STXBP5L: variants seen among roughly 807,000 people sequenced by gnomAD.
The protein encoded by STXBP5L is syntaxin-binding protein 5-like.
In STXBP5L, 65 loss-of-function variants were observed where a neutral mutation model predicts 144.5. That is an observed-to-expected ratio of 0.45 (90% CI 0.37 to 0.55). The LOEUF (loss-of-function observed/expected upper bound fraction) is 0.55. Ranked by LOEUF, STXBP5L falls within the 20% of genes least tolerant of loss-of-function variation. The pLI is 0.00. For synonymous variants in STXBP5L, 505 were observed against 469.6 expected (o/e 1.08, Z -0.97); for missense variants, 1,298 against 1,405.5 (o/e 0.92, Z 1.22).
intron 3 of STXBP5L, among the ~76,000 whole-genome samples, chr3:121,039,199 T>C (rs1946971140): frequency 6.6e-6 from 1 of 151,922 alleles, no homozygotes; most frequent in Admixed American, 6.6e-5. Context: ...TCTGCGTTAT[T>C]TTTTGTTAAA....
At chr3:121,062,795 T>G (rs1025923878) in intron 5 of STXBP5L, among the ~76,000 whole-genome samples, 5 of 152,168 alleles carry the variant, frequency 3.3e-5, no homozygotes, top group African/African-American at 1.2e-4. Context: ...GCCTGATTGA[T>G]TTGTCTATTG....
chr3:121,065,959 A>G (rs1056847297), intron 5 of STXBP5L, among the ~76,000 whole-genome samples: 3 of 152,146 alleles, frequency 2.0e-5, no homozygotes, highest in Non-Finnish European at 4.4e-5. Context: ...AGCCCTCTCA[A>G]TAAGCCAGCT....
intron 11 of STXBP5L, among the ~76,000 whole-genome samples, chr3:121,227,856 A>C (rs1415431956): frequency 6.6e-6 from 1 of 152,180 alleles, no homozygotes; most frequent in Non-Finnish European, 1.5e-5. Context: ...AACTTAAGGG[A>C]AGTTAAACAC....
At chr3:121,073,975 C>T (rs545966021) in intron 5 of STXBP5L, among the ~76,000 whole-genome samples, 1 of 152,330 alleles carries the variant, frequency 6.6e-6, no homozygotes, top group Non-Finnish European at 1.5e-5. Context: ...CAGCCTCCCA[C>T]AGAACACGAA....
chr3:121,086,535 G>A (rs1008129300), intron 5 of STXBP5L, among the ~76,000 whole-genome samples: 2 of 151,934 alleles, frequency 1.3e-5, no homozygotes, highest in Non-Finnish European at 2.9e-5. Context: ...AGTAACATAC[G>A]GTACAGGTTT....
chr3:121,092,284 G>A (rs2042851809), intron 5 of STXBP5L, among the ~76,000 whole-genome samples: 1 of 151,844 alleles, frequency 6.6e-6, no homozygotes, highest in South Asian at 2.1e-4. Context: ...GAACTTTAAA[G>A]TAGTGTTTTC....
chr3:121,015,322 C>G (rs916494165), intron 3 of STXBP5L, among the ~76,000 whole-genome samples: 1 of 152,100 alleles, frequency 6.6e-6, no homozygotes, highest in African/African-American at 2.4e-5. Context: ...AGTTGTTACT[C>G]CCATTCTTAA....
chr3:121,189,837 C>A (rs546959877), intron 9 of STXBP5L, among the ~76,000 whole-genome samples: 228 of 151,890 alleles, frequency 1.5e-3, no homozygotes, highest in South Asian at 3.3e-3. Flanking sequence ...ATAAAATGAC[C>A]AACTTAAAAT....
At chr3:120,975,001 G>A (rs1271867362) in intron 3 of STXBP5L, among the ~76,000 whole-genome samples, 2 of 152,068 alleles carry the variant, frequency 1.3e-5, no homozygotes, top group South Asian at 2.1e-4. Flanking sequence ...TGTTCTTTTG[G>A]CTTAGGATTG....
intron 2 of STXBP5L, among the ~76,000 whole-genome samples, chr3:120,910,536 T>G (rs1346426616): frequency 1.3e-5 from 2 of 152,168 alleles, no homozygotes. Context: ...TTGAGTTGTC[T>G]TGGAATGTGC....
At chr3:121,248,130 C>G (rs2049914464) in intron 14 of STXBP5L, among the ~76,000 whole-genome samples, 1 of 152,066 alleles carries the variant, frequency 6.6e-6, no homozygotes. Context: ...GTGGCACAGT[C>G]TCGGCTCACT....
intron 10 of STXBP5L, among the ~76,000 whole-genome samples, chr3:121,215,075 T>C (rs745641745): frequency 6.6e-6 from 1 of 152,164 alleles, no homozygotes; most frequent in Non-Finnish European, 1.5e-5. Flanking sequence ...CTCCATCCTT[T>C]TATTGTTAGC....
At chr3:121,021,316 G>A (rs1198752223) in intron 3 of STXBP5L, among the ~76,000 whole-genome samples, 3 of 152,090 alleles carry the variant, frequency 2.0e-5, no homozygotes, top group Non-Finnish European at 4.4e-5. Context: ...AACAATAATA[G>A]TGTGGGACTT....
At chr3:121,183,845 G>A (rs1393254245) in intron 9 of STXBP5L, among the ~76,000 whole-genome samples, 1 of 152,110 alleles carries the variant, frequency 6.6e-6, no homozygotes, top group African/African-American at 2.4e-5. Flanking sequence ...TGCCCACTAA[G>A]ATGAAGCTTC....
rs1191573251 is a variant in STXBP5L, at chr3:121,015,782, G to T, written c.288-25918G>T. On this transcript the variant is annotated intron_variant, in intron 3 of 26. Coordinates refer to ENST00000471454, the MANE Select transcript of STXBP5L (RefSeq NM_001308330.2). ...GAGCCTTATCCAAGGTAGGGGAAGG[G>T]CATTGCTCAACTTTAGCCACCTTGG... 5.9e-5 allele frequency among the ~76,000 whole-genome samples: 9 copies of T among 152,292 alleles called. No homozygotes were observed. In the East Asian group the frequency reaches 1.7e-3, roughly 29 times the overall value.
At chr3:121,056,680 C>T (rs987946116) in intron 5 of STXBP5L, among the ~76,000 whole-genome samples, 1 of 152,122 alleles carries the variant, frequency 6.6e-6, no homozygotes, top group African/African-American at 2.4e-5. Flanking sequence ...AATAAAGGAT[C>T]TTTCTTCTAT....
chr3:121,282,252 G>A lies in STXBP5L; in HGVS notation c.2110+2296G>A, dbSNP rs1296262861. ...TGCCTGCTGCTGATGCTGGTGGTCT[G>A]GCATGTTCCAAAGACAACTTTTGCA... On this transcript the variant is annotated intron_variant, in intron 19 of 26. Coordinates refer to ENST00000471454, the MANE Select transcript of STXBP5L (RefSeq NM_001308330.2). 1.9e-6 allele frequency: 3 copies of A among 1,608,296 alleles called. No individual in the cohort carries two copies. In the South Asian group the frequency reaches 3.3e-5, roughly 18 times the overall value.
intron 20 of STXBP5L, among the ~76,000 whole-genome samples, chr3:121,341,978 CTT>C (rs1231648327): frequency 1.3e-5 from 2 of 151,940 alleles, no homozygotes; most frequent in Admixed American, 6.6e-5. Flanking sequence ...TTTAGAATAA[CTT>C]AAATAATATA....
chr3:121,174,141 G>A (rs957190246), intron 9 of STXBP5L, among the ~76,000 whole-genome samples: 2 of 152,042 alleles, frequency 1.3e-5, no homozygotes, highest in Admixed American at 6.6e-5. Context: ...GTGGATTATA[G>A]TTAATATTAT....
Sources: gnomAD v4.1 joint callset for allele counts (sites outside exome capture counted in the v4.1 genomes callset) on GRCh38, gnomAD v4.1.1 for gene constraint, MANE v1.5 for transcripts, NCBI Gene and HGNC (gene_info 2026-07-23, HGNC 2026-07-21) for gene names.